Variants in SORCS1 observed in about 807,000 individuals in gnomAD.
SORCS1 encodes the protein sortilin related VPS10 domain containing receptor 1, also known as VPS10 domain-containing receptor SorCS1.
In SORCS1, 60 loss-of-function variants were observed where a neutral mutation model predicts 146.1. The ratio of observed to expected loss-of-function variants is 0.41; its 90% confidence interval spans 0.33 to 0.51. The LOEUF is 0.51. SORCS1 is among the 20% of genes least tolerant of loss of function. SORCS1 has a pLI of 0.21. For missense variants in SORCS1, 1,352 were observed against 1,487.6 expected, an observed-to-expected ratio of 0.91 and a Z score of 1.50; for synonymous variants, 637 against 584.0, an observed-to-expected ratio of 1.09 and a Z score of -1.31.
chr10:106,752,699 A>T (rs1410741324), intron 5 of SORCS1, among the ~76,000 whole-genome samples: 2 of 152,190 alleles, frequency 1.3e-5, no homozygotes, highest in African/African-American at 2.4e-5. Flanking sequence ...ATATAGGAAG[A>T]TGAATGGAGA....
At chr10:106,867,529 C>T (rs937166535) in intron 2 of SORCS1, among the ~76,000 whole-genome samples, 4 of 152,038 alleles carry the variant, frequency 2.6e-5, no homozygotes, top group South Asian at 2.1e-4. Flanking sequence ...GTGATCCGCC[C>T]GCCTTGGCCT....
intron 3 of SORCS1, among the ~76,000 whole-genome samples, chr10:106,801,057 C>T (rs1157942025): frequency 6.6e-6 from 1 of 152,192 alleles, no homozygotes; most frequent in Non-Finnish European, 1.5e-5. Context: ...AGTTCACTAT[C>T]TCTAGGGCCT....
At chr10:107,007,338 A>T (rs775097332) in intron 1 of SORCS1, among the ~76,000 whole-genome samples, 2 of 152,216 alleles carry the variant, frequency 1.3e-5, no homozygotes, top group East Asian at 1.9e-4. Context: ...ACAAACTGTT[A>T]GCTTCCACTT....
In SORCS1 at chr10:106,753,211, T is replaced by C. The variant is rs193137859; in HGVS notation, c.959+8377A>G. ...CATCCTATTTCCAGTTTGCAGAACCTGGAGAAGGAAAAATGCAGAGGCTCA... is the reference window on the plus strand; with the variant it reads ...CATCCTATTTCCAGTTTGCAGAACCCGGAGAAGGAAAAATGCAGAGGCTCA... On this transcript the variant is annotated intron_variant, in intron 5 of 25. Coordinates refer to ENST00000263054, the MANE Select transcript of SORCS1 (RefSeq NM_052918.5). Among the ~76,000 whole-genome samples, 38 of 152,308 alleles carry C rather than the reference T, an allele frequency of 2.5e-4. No individual in the cohort carries two copies. The East Asian group carries it at 7.4e-3, about 29-fold the overall frequency.
intron 1 of SORCS1, among the ~76,000 whole-genome samples, chr10:107,062,796 T>C (rs1961351234): frequency 6.6e-6 from 1 of 152,222 alleles, no homozygotes; most frequent in Non-Finnish European, 1.5e-5. Context: ...AGATCAAGGA[T>C]ACTGCATCTT....
rs1300109673 is a variant in SORCS1, at chr10:107,065,491, TC to T, written c.558+98477del. Among the ~76,000 whole-genome samples, 689 of 86,118 alleles carry T rather than the reference TC, an allele frequency of 8.0e-3. 28 individuals are homozygous for T. The highest frequency in any genetic ancestry group is 0.033 in the African/African-American group (622 of 18,944). The allele number at this position is 86,118 out of a possible 152,430, so 56.5% of individuals were successfully genotyped here. A position where few individuals can be genotyped will look rare whatever the true frequency, so the allele number is the denominator to read the frequency against. On this transcript the variant is annotated intron_variant, in intron 1 of 25. Transcript: ENST00000263054. Reference sequence around the variant, plus strand: ...CCCTCTCCTCTCCTCTCCTCTCCTCTCCTCTCCTCTCCTCTCCTCTCTTTCT... The same window carrying T: ...CCCTCTCCTCTCCTCTCCTCTCCTCTCTCTCCTCTCCTCTCCTCTCTTTCT...
chr10:106,654,995 T>C (rs1351918201), intron 17 of SORCS1, among the ~76,000 whole-genome samples: 1 of 152,104 alleles, frequency 6.6e-6, no homozygotes, highest in Non-Finnish European at 1.5e-5. Context: ...TAGCTGGGAT[T>C]ACAGGCATGT....
rs553416520 is a variant in SORCS1 at position 106,691,001 on chromosome 10, C to T, written c.1414-2663G>A. Among the ~76,000 whole-genome samples, 131 of 152,250 alleles carry T rather than the reference C, an allele frequency of 8.6e-4. 1 individual carries two copies. Among genetic ancestry groups the T allele is most frequent in the Non-Finnish European group, 1.5e-3 (104 of 68,014 alleles). ...ACTTTGGCTATCAAGGGGACTAATA[C>T]CAAGCATTAGTGCCCCAAATGTGGA... On this transcript the variant is annotated intron_variant, in intron 9 of 25. Transcript: ENST00000263054.
In SORCS1 at chr10:107,066,243, T is replaced by C. The variant is rs569555509; in HGVS notation, c.558+97726A>G. Among the ~76,000 whole-genome samples the C allele has an allele frequency of 1.6e-4, 24 of 152,304 alleles. 1 individual carries two copies. The South Asian group carries it at 3.1e-3, about 20-fold the overall frequency. On this transcript the variant is annotated intron_variant, in intron 1 of 25. Transcript: ENST00000263054. ...TTCCAAGCATCATGATCACTTTCTA[T>C]TGCCATTTATTCATGAAATATCTTC...
intron 1 of SORCS1, among the ~76,000 whole-genome samples, chr10:107,149,902 A>G (rs7900650): frequency 0.64 from 96,755 of 151,996 alleles, 31,295 homozygotes; most frequent in African/African-American, 0.69. Context: ...GGCACTAATG[A>G]CCTTTTCTCC....
intron 3 of SORCS1, among the ~76,000 whole-genome samples, chr10:106,805,083 C>T (rs995140240): frequency 1.3e-5 from 2 of 152,182 alleles, no homozygotes; most frequent in Non-Finnish European, 2.9e-5. Context: ...AGATTTATCA[C>T]TCCCCAGGCC....
intron 2 of SORCS1, among the ~76,000 whole-genome samples, chr10:106,841,810 A>G (rs571490173): frequency 6.6e-6 from 1 of 152,294 alleles, no homozygotes; most frequent in South Asian, 2.1e-4. Context: ...GGTGCACCAT[A>G]GTTTCCAGTC....
At chr10:107,136,264 G>T (rs944513983) in intron 1 of SORCS1, among the ~76,000 whole-genome samples, 6 of 152,214 alleles carry the variant, frequency 3.9e-5, no homozygotes, top group African/African-American at 1.4e-4. Context: ...GAACCCATAT[G>T]CAGGGGAGAG....
chr10:106,922,316 G>C (rs1261241508), intron 2 of SORCS1, among the ~76,000 whole-genome samples: 2 of 152,178 alleles, frequency 1.3e-5, no homozygotes, highest in African/African-American at 4.8e-5. Context: ...AGGGATGTGG[G>C]AGATAAGAGC....
rs60619444 is a variant in SORCS1, at chr10:106,840,418, AATCTCATG to A, written c.627-10753_627-10746del. On this transcript the variant is annotated intron_variant, in intron 2 of 25. Transcript: ENST00000263054. The stretch of plus-strand genomic sequence containing the variant: ...CTTGAAGATGTGAGTGAATTGCTGT[AATCTCATG>A]ATCACACTTGAACCAATGAGGAGTT... Among the ~76,000 whole-genome samples the A allele has an allele frequency of 9.1e-3, 1,385 of 152,342 alleles. 18 individuals carry two copies. Among genetic ancestry groups the A allele is most frequent in the African/African-American group, 0.032 (1,323 of 41,580 alleles).
In SORCS1 at chr10:106,574,550, C is replaced by T. The variant is rs911041506; in HGVS notation, c.*2870G>A. 2.0e-5 allele frequency: 3 copies of T among 152,600 alleles called. No homozygotes were observed. Among genetic ancestry groups the T allele is most frequent in the Non-Finnish European group, 4.4e-5 (3 of 68,054 alleles). The allele number at this position is 152,600 out of a possible 1,614,324, so 9.5% of individuals were successfully genotyped here. ...CAAACTTTAGTATGTATCACAATCA[C>T]TGGGAGGGCTTGTTAAAATAGGTGG... On this transcript the variant is annotated 3_prime_UTR_variant, in exon 26 of 26. Transcript: ENST00000263054.
chr10:106,897,504 T>G (rs1589658262), intron 2 of SORCS1, among the ~76,000 whole-genome samples: 1 of 152,250 alleles, frequency 6.6e-6, no homozygotes, highest in African/African-American at 2.4e-5. Flanking sequence ...TGGCCTGACA[T>G]CTTAATATTT....
At chr10:106,626,282 C>T (rs1050307558) in intron 19 of SORCS1, among the ~76,000 whole-genome samples, 3 of 152,072 alleles carry the variant, frequency 2.0e-5, no homozygotes, top group African/African-American at 7.2e-5. Context: ...ATAGAAAAAT[C>T]AAGTTTTACT....
intron 1 of SORCS1, among the ~76,000 whole-genome samples, chr10:107,111,199 T>C (rs910011053): frequency 7.2e-5 from 11 of 152,144 alleles, no homozygotes; most frequent in Non-Finnish European, 1.5e-4. Flanking sequence ...CAAAGGAAAC[T>C]ATGAACATTC....
Sources: allele counts gnomAD v4.1 joint callset (sites outside exome capture counted in the v4.1 genomes callset), GRCh38; gene constraint gnomAD v4.1.1; transcripts MANE v1.5; gene names NCBI Gene and HGNC (gene_info 2026-07-23, HGNC 2026-07-21).